FGGY: variants seen among roughly 807,000 people sequenced by gnomAD.
FGGY encodes the protein FGGY carbohydrate kinase domain-containing protein.
A neutral mutation model predicts 71.3 loss-of-function variants in FGGY; 72 were observed. That is an observed-to-expected ratio of 1.01 (90% CI 0.84 to 1.23). The LOEUF (loss-of-function observed/expected upper bound fraction) is 1.23, where lower values mean the gene tolerates loss of function less well. FGGY is among the 50% of genes most tolerant of loss of function. The pLI, the probability that FGGY is intolerant of heterozygous loss-of-function variation, is 0.00. For synonymous variants in FGGY, 251 were observed against 250.3 expected (o/e 1.00, Z -0.02); for missense variants, 668 against 682.3 (o/e 0.98, Z 0.23).
intron 4 of FGGY, among the ~76,000 whole-genome samples, chr1:59,360,241 C>G (rs1456675110): frequency 6.6e-6 from 1 of 151,808 alleles, no homozygotes; most frequent in African/African-American, 2.4e-5. Flanking sequence ...GCGTGTAAGC[C>G]CTGAAACTCT....
intron 5 of FGGY, among the ~76,000 whole-genome samples, chr1:59,415,516 A>T (rs2064237327): frequency 6.6e-6 from 1 of 152,204 alleles, no homozygotes; most frequent in Admixed American, 6.5e-5. Flanking sequence ...AGCTGACTTG[A>T]CTATGGACAG....
chr1:59,596,226 A>G (rs1310053113), intron 8 of FGGY, among the ~76,000 whole-genome samples: 1 of 151,758 alleles, frequency 6.6e-6, no homozygotes, highest in African/African-American at 2.4e-5. Context: ...CTCACTTAAC[A>G]TTTTTAGAAA....
chr1:59,570,296 A>G (rs2095961244), intron 8 of FGGY, among the ~76,000 whole-genome samples: 1 of 152,226 alleles, frequency 6.6e-6, no homozygotes. Context: ...CGTAGTGCCT[A>G]GCAGAGCACC....
chr1:59,543,244 C>T (rs960177509), intron 7 of FGGY, among the ~76,000 whole-genome samples: 1 of 152,060 alleles, frequency 6.6e-6, no homozygotes, highest in Non-Finnish European at 1.5e-5. Context: ...TGTTTTTTCT[C>T]CCCAGCTGCT....
At chr1:59,489,356 C>T (rs1415488714) in intron 6 of FGGY, among the ~76,000 whole-genome samples, 1 of 152,012 alleles carries the variant, frequency 6.6e-6, no homozygotes, top group African/African-American at 2.4e-5. Context: ...TTTAATAAAT[C>T]TCTCCCTCTT....
At chr1:59,354,718 G>A (rs78817907) in intron 4 of FGGY, among the ~76,000 whole-genome samples, 2,370 of 152,270 alleles carry the variant, frequency 0.016, 47 homozygotes, top group African/African-American at 0.054. Context: ...TGAATGAGTG[G>A]GATAAGGGCC....
At chr1:59,651,602 T>G (rs1169659956) in intron 11 of FGGY, among the ~76,000 whole-genome samples, 2 of 150,182 alleles carry the variant, frequency 1.3e-5, no homozygotes, top group Non-Finnish European at 2.9e-5. Context: ...TTCCATTTGC[T>G]TGGTAGATCT....
chr1:59,505,817 T>C lies in FGGY; in HGVS notation c.671-6494T>C, dbSNP rs1389729842. 4.6e-5 allele frequency among the ~76,000 whole-genome samples: 7 copies of C among 152,220 alleles called. 1 individual carries two copies. The East Asian group carries it at 1.3e-3, about 29-fold the overall frequency. ...CAGGAAAGAGGATTATGTGTGTGTCTGAAACTGTTCCCAAAGTGCTCATTA... is the reference window on the plus strand; with the variant it reads ...CAGGAAAGAGGATTATGTGTGTGTCCGAAACTGTTCCCAAAGTGCTCATTA... On this transcript the variant is annotated intron_variant, in intron 6 of 15. Transcript: ENST00000303721.
At chr1:59,597,768 A>G (rs1488752834) in intron 8 of FGGY, among the ~76,000 whole-genome samples, 3 of 152,234 alleles carry the variant, frequency 2.0e-5, no homozygotes, top group African/African-American at 7.2e-5. Flanking sequence ...GACTGCCCTC[A>G]GGCATCCTTT....
rs138672821 is a variant in FGGY, at chr1:59,536,271, T to C, written c.800-17853T>C. 9.4e-3 allele frequency among the ~76,000 whole-genome samples: 1,426 copies of C among 152,178 alleles called. 25 individuals carry two copies. Among genetic ancestry groups the C allele is most frequent in the African/African-American group, 0.033 (1,363 of 41,492 alleles). On this transcript the variant is annotated intron_variant, in intron 7 of 15. Transcript: ENST00000303721. ...CTCGACACATACACTTTCCCAAGAC[T>C]AAACCAGGAAGAAGTTGAATCTCTG...
At chr1:59,528,347 C>T (rs192371931) in intron 7 of FGGY, among the ~76,000 whole-genome samples, 193 of 152,308 alleles carry the variant, frequency 1.3e-3, no homozygotes, top group African/African-American at 4.4e-3. Flanking sequence ...ACATTCTCAC[C>T]ACCCCCATTT....
intron 8 of FGGY, among the ~76,000 whole-genome samples, chr1:59,591,603 G>A (rs183204662): frequency 6.6e-6 from 1 of 152,272 alleles, no homozygotes; most frequent in East Asian, 1.9e-4. Context: ...ATAGACCAAT[G>A]TAACAGGACA....
intron 11 of FGGY, among the ~76,000 whole-genome samples, chr1:59,648,931 G>A (rs2097127733): frequency 6.6e-6 from 1 of 151,612 alleles, no homozygotes; most frequent in Non-Finnish European, 1.5e-5. Flanking sequence ...TTTGTATAAG[G>A]TGTAAGGAAG....
intron 13 of FGGY, 138 bp from the exon 14 acceptor site, chr1:59,673,901 A>C (rs552708290): frequency 3.1e-6 from 2 of 654,736 alleles, no homozygotes; most frequent in South Asian, 3.5e-5. Context: ...GGAATAAAGA[A>C]GGGAGGACTG....
At chr1:59,462,615 A>C (rs1266307803) in intron 6 of FGGY, among the ~76,000 whole-genome samples, 1 of 152,252 alleles carries the variant, frequency 6.6e-6, no homozygotes, top group Non-Finnish European at 1.5e-5. Context: ...TTACAAGGAA[A>C]AAACAAACAA....
intron 3 of FGGY, among the ~76,000 whole-genome samples, chr1:59,343,068 G>A (rs934809461): frequency 5.3e-5 from 8 of 152,218 alleles, no homozygotes; most frequent in South Asian, 2.1e-4. Flanking sequence ...TTGGGAGGGA[G>A]AGGAACAAAG....
At chr1:59,517,358 C>CG (rs2094691391) in intron 7 of FGGY, among the ~76,000 whole-genome samples, 2 of 149,014 alleles carry the variant, frequency 1.3e-5, no homozygotes, top group Non-Finnish European at 3.0e-5. Flanking sequence ...CTCCGCCTCC[C>CG]GGGTTCACGC....
At chr1:59,493,096 A>AAACACACAC (rs377147940) in intron 6 of FGGY, among the ~76,000 whole-genome samples, 4 of 143,024 alleles carry the variant, frequency 2.8e-5, no homozygotes, top group African/African-American at 1.0e-4. Context: ...TACCAAACAA[A>AAACACACAC]ACACACACAC....
intron 2 of FGGY, among the ~76,000 whole-genome samples, chr1:59,324,054 G>A (rs958494717): frequency 2.6e-5 from 4 of 152,138 alleles, no homozygotes; most frequent in African/African-American, 7.2e-5. Flanking sequence ...TGGACTCCAG[G>A]AAGTTGAGAG....
Sources: allele counts gnomAD v4.1 joint callset (sites outside exome capture counted in the v4.1 genomes callset), GRCh38; gene constraint gnomAD v4.1.1; transcripts MANE v1.5; gene names NCBI Gene and HGNC (gene_info 2026-07-23, HGNC 2026-07-21).